CREB3L2: variants seen among roughly 807,000 people sequenced by gnomAD.
The protein encoded by CREB3L2 is cAMP responsive element binding protein 3 like 2.
Under a neutral mutation model 57.2 loss-of-function variants are expected in CREB3L2, and 23 were observed. That is an observed-to-expected ratio of 0.40 (90% CI 0.29 to 0.57). CREB3L2 has a LOEUF of 0.57. CREB3L2 is among the 20% of genes least tolerant of loss of function. The probability of loss-of-function intolerance (pLI) is 0.42; values close to 1 mark genes in which losing one functional copy is unlikely to be tolerated. For synonymous variants in CREB3L2, 268 were observed against 265.1 expected (o/e 1.01, Z -0.11); for missense variants, 628 against 634.7 (o/e 0.99, Z 0.11).
chr7:137,957,314 C>T (rs1214183594), intron 1 of CREB3L2, among the ~76,000 whole-genome samples: 1 of 152,194 alleles, frequency 6.6e-6, no homozygotes, highest in Non-Finnish European at 1.5e-5. Flanking sequence ...ACACATTTAC[C>T]ACTTACTTTC....
At chr7:137,964,258 A>G (rs1203067846) in intron 1 of CREB3L2, among the ~76,000 whole-genome samples, 3 of 152,148 alleles carry the variant, frequency 2.0e-5, no homozygotes, top group East Asian at 1.9e-4. Context: ...GGAGGTTGCA[A>G]TGAGCCAAGA....
chr7:137,878,579 C>CA lies in CREB3L2; in HGVS notation c.*1896dup, dbSNP rs145471641. The CA allele has an allele frequency of 2.9e-3, 678 of 233,626 alleles. No homozygotes were observed. Among genetic ancestry groups the CA allele is most frequent in the Non-Finnish European group, 4.9e-3 (582 of 118,384 alleles). 14.5% of individuals were successfully genotyped at this position (233,626 alleles called of 1,614,324 possible). On this transcript the variant is annotated 3_prime_UTR_variant, in exon 12 of 12. Coordinates refer to ENST00000330387, the MANE Select transcript of CREB3L2 (RefSeq NM_194071.4). ...CAACCCTCCTCCTGCACAGCTCAGA[C>CA]AGTCTCCGCCCTGGCTAATGGGAGG...
rs117375293 is a variant in CREB3L2 at position 137,980,690 on chromosome 7, C to T, written c.102+20914G>A. 3.0e-4 allele frequency among the ~76,000 whole-genome samples: 46 copies of T among 152,342 alleles called. No homozygotes were observed. In the East Asian group the frequency reaches 8.1e-3, roughly 27 times the overall value. ...GGATTTCTCCATACAGGCTCCAAAG[C>T]TGCTAGAGCTATAGGCTGAAGGTCC... On this transcript the variant is annotated intron_variant, in intron 1 of 11. Coordinates refer to ENST00000330387, the MANE Select transcript of CREB3L2 (RefSeq NM_194071.4). The surrounding 1 kb of genome is among the most constrained non-coding windows in gnomAD (Gnocchi z 4.3).
chr7:137,914,750 C>T (rs1421089758), intron 3 of CREB3L2, among the ~76,000 whole-genome samples: 2 of 152,170 alleles, frequency 1.3e-5, no homozygotes, highest in East Asian at 3.8e-4. Context: ...AATCCTAGCA[C>T]ACTTGCAGAG....
At chr7:137,939,813 G>A (rs273988) in intron 1 of CREB3L2, among the ~76,000 whole-genome samples, 62,717 of 151,822 alleles carry the variant, frequency 0.41, 14,536 homozygotes, top group East Asian at 0.78. Flanking sequence ...CTCTACCCCC[G>A]CAATCTTGGA....
chr7:137,949,670 G>GA (rs1490744053), intron 1 of CREB3L2, among the ~76,000 whole-genome samples: 1 of 151,680 alleles, frequency 6.6e-6, no homozygotes, highest in Admixed American at 6.6e-5. Context: ...ATCAAGATTA[G>GA]AAAAAAAATC....
intron 1 of CREB3L2, among the ~76,000 whole-genome samples, chr7:137,948,086 T>C (rs949826015): frequency 6.6e-6 from 1 of 152,202 alleles, no homozygotes; most frequent in African/African-American, 2.4e-5. Context: ...CTGGATCTAA[T>C]ATCGAGGACC....
intron 8 of CREB3L2, among the ~76,000 whole-genome samples, chr7:137,889,235 G>A (rs1388265238): frequency 6.6e-6 from 1 of 152,154 alleles, no homozygotes; most frequent in Non-Finnish European, 1.5e-5. Context: ...CAGCAGGCCA[G>A]CTACACCTGA....
In CREB3L2 at chr7:137,984,418, C is replaced by G. The variant is rs1324195444; in HGVS notation, c.102+17186G>C. Among the ~76,000 whole-genome samples, 3 of 152,344 alleles carry G rather than the reference C, an allele frequency of 2.0e-5. No homozygotes were observed. The East Asian group carries it at 5.8e-4, about 29-fold the overall frequency. On this transcript the variant is annotated intron_variant, in intron 1 of 11. Coordinates refer to ENST00000330387, the MANE Select transcript of CREB3L2 (RefSeq NM_194071.4). ...CCTTTCTGCTTTGCCCCGTCACTTT[C>G]TTCCACCAGTGAGGCTGATGTTACG...
At chr7:137,883,994 G>A (rs945723993) in intron 10 of CREB3L2, among the ~76,000 whole-genome samples, 10 of 152,120 alleles carry the variant, frequency 6.6e-5, no homozygotes, top group African/African-American at 2.4e-4. Context: ...GGTTTTGGAA[G>A]GCAGGCTGAT....
intron 1 of CREB3L2, among the ~76,000 whole-genome samples, chr7:137,983,383 A>C (rs1801741443): frequency 6.6e-6 from 1 of 152,226 alleles, no homozygotes; most frequent in Non-Finnish European, 1.5e-5. Context: ...CAGAGACTGA[A>C]ACTTCAGAGG....
intron 1 of CREB3L2, among the ~76,000 whole-genome samples, chr7:137,961,766 C>G (rs1309882014): frequency 2.0e-5 from 3 of 152,236 alleles, no homozygotes; most frequent in Admixed American, 6.5e-5. Context: ...TCACTCCGCT[C>G]TAAGCTCTGC....
chr7:137,935,075 T>C (rs1716491970), intron 1 of CREB3L2, among the ~76,000 whole-genome samples: 1 of 152,208 alleles, frequency 6.6e-6, no homozygotes, highest in Non-Finnish European at 1.5e-5. Context: ...TTGGAGTCAG[T>C]CAGCCCTAAA....
chr7:137,971,744 T>C (rs950533364), intron 1 of CREB3L2, among the ~76,000 whole-genome samples: 4 of 151,928 alleles, frequency 2.6e-5, no homozygotes, highest in Non-Finnish European at 5.9e-5. Context: ...TTTCTAAAAC[T>C]ATTAATTAAA....
intron 6 of CREB3L2, among the ~76,000 whole-genome samples, chr7:137,904,775 G>A (rs1799845646): frequency 6.6e-6 from 1 of 151,216 alleles, no homozygotes; most frequent in Admixed American, 6.6e-5. Context: ...GGAGGCAGAG[G>A]TTGCAGTGAG....
chr7:137,953,517 A>G, intron 1 of CREB3L2: 2 of 1,289,142 alleles, frequency 1.6e-6, no homozygotes, highest in Non-Finnish European at 2.0e-6. Flanking sequence ...CTCTCCTGAA[A>G]GGGAAAGGTA....
intron 1 of CREB3L2, among the ~76,000 whole-genome samples, chr7:137,962,647 C>CA (rs962535276): frequency 6.6e-6 from 1 of 152,092 alleles, no homozygotes; most frequent in Admixed American, 6.5e-5. Context: ...TCCCACCCCC[C>CA]ACCAGCATTC....
chr7:137,877,086 A>G lies in CREB3L2; in HGVS notation c.*3390T>C, dbSNP rs984337073. 1 of 228,990 alleles carries G rather than the reference A, an allele frequency of 4.4e-6. No homozygotes were observed. Among genetic ancestry groups the G allele is most frequent in the African/African-American group, 2.2e-5 (1 of 45,150 alleles). 14.2% of individuals were successfully genotyped at this position (228,990 alleles called of 1,614,324 possible). A position where few individuals can be genotyped will look rare whatever the true frequency, so the allele number is the denominator to read the frequency against. ...AAAAACACTTATGAAAAAATGCTGG[A>G]CACTTGACTCACTGCCAGAACAAAG... On this transcript the variant is annotated 3_prime_UTR_variant, in exon 12 of 12. Coordinates refer to ENST00000330387, the MANE Select transcript of CREB3L2 (RefSeq NM_194071.4).
intron 1 of CREB3L2, among the ~76,000 whole-genome samples, chr7:137,993,023 G>A (rs1278769870): frequency 6.6e-6 from 1 of 152,214 alleles, no homozygotes; most frequent in African/African-American, 2.4e-5. Flanking sequence ...GCAAACATGT[G>A]TTCAAGGCAG....
Sources: allele counts gnomAD v4.1 joint callset (sites outside exome capture counted in the v4.1 genomes callset), GRCh38; gene constraint gnomAD v4.1.1; non-coding constraint Gnocchi (gnomAD v3.1); transcripts MANE v1.5; gene names NCBI Gene and HGNC (gene_info 2026-07-23, HGNC 2026-07-21).